The following TULP4 variants were observed in gnomAD, a reference collection of about 807,000 sequenced individuals.
TULP4 encodes tubby-related protein 4.
TULP4 carries 16 observed loss-of-function variants against 129.0 expected under a neutral mutation model. The observed-to-expected ratio is 0.12, with a 90% CI of 0.08 to 0.19. The LOEUF (loss-of-function observed/expected upper bound fraction) is 0.19. TULP4 is among the 10% of genes least tolerant of loss of function. The probability of loss-of-function intolerance (pLI) is 1.00; values close to 1 mark genes in which losing one functional copy is unlikely to be tolerated. For synonymous variants in TULP4, 998 were observed against 854.0 expected, an observed-to-expected ratio of 1.17 and a Z score of -2.94; for missense variants, 1,842 against 2,059.1, an observed-to-expected ratio of 0.89 and a Z score of 2.04.
chr6:158,284,114 A>G (rs1197680688), intron 1 of TULP4, among the ~76,000 whole-genome samples: 2 of 152,218 alleles, frequency 1.3e-5, no homozygotes, highest in Non-Finnish European at 2.9e-5. Context: ...AGGTGGGGAA[A>G]AAGAGAAAGA....
At chr6:158,426,476 A>C (rs1369093093) in intron 2 of TULP4, among the ~76,000 whole-genome samples, 1 of 133,826 alleles carries the variant, frequency 7.5e-6, no homozygotes, top group African/African-American at 3.0e-5. Context: ...TTGAATAGGG[A>C]GTCCTTTCCC....
intron 2 of TULP4, among the ~76,000 whole-genome samples, chr6:158,421,845 C>G (rs1338267568): frequency 6.6e-6 from 1 of 152,066 alleles, no homozygotes; most frequent in Non-Finnish European, 1.5e-5. Flanking sequence ...TTAAATAAAA[C>G]CCAACCTATG....
At chr6:158,282,147 T>C (rs1197882611), upstream of TULP4, 1 of 152,220 alleles carries the variant, frequency 6.6e-6, no homozygotes, top group African/African-American at 2.4e-5. Context: ...GAGTCATGTT[T>C]CTAATAGATT....
At chr6:158,253,061 A>G (rs1239668536) in intron 1 of TULP4, among the ~76,000 whole-genome samples, 1 of 152,250 alleles carries the variant, frequency 6.6e-6, no homozygotes, top group Non-Finnish European at 1.5e-5. Context: ...AAACTTGGGC[A>G]TAGAAATCCC....
intron 8 of TULP4, among the ~76,000 whole-genome samples, chr6:158,483,100 G>A (rs1779984939): frequency 1.3e-5 from 2 of 152,220 alleles, no homozygotes; most frequent in African/African-American, 2.4e-5. Context: ...CTATTATTAA[G>A]TAATACCAGG....
At chr6:158,308,427 C>T (rs530891367), upstream of TULP4, among the ~76,000 whole-genome samples, 4,783 of 151,896 alleles carry the variant, frequency 0.031, 83 homozygotes, top group Non-Finnish European at 0.04. Flanking sequence ...GGCAACCATC[C>T]GATTTCTCAA....
At chr6:158,345,440 C>G (rs1372277239) in intron 1 of TULP4, among the ~76,000 whole-genome samples, 1 of 152,220 alleles carries the variant, frequency 6.6e-6, no homozygotes, top group African/African-American at 2.4e-5. Context: ...TTTCTATTTT[C>G]CCTAAGTGTC....
chr6:158,244,018 C>T (rs1165614202), intron 1 of TULP4, among the ~76,000 whole-genome samples: 1 of 152,148 alleles, frequency 6.6e-6, no homozygotes, highest in African/African-American at 2.4e-5. Flanking sequence ...TAGCATCCTC[C>T]AGTGGTGATG....
At chr6:158,378,915 G>A (rs1232454461) in intron 1 of TULP4, among the ~76,000 whole-genome samples, 1 of 152,236 alleles carries the variant, frequency 6.6e-6, no homozygotes, top group Non-Finnish European at 1.5e-5. Context: ...CAGGGCTCAA[G>A]AGAGAGCATT....
chr6:158,430,232 T>G (rs1778597460), intron 3 of TULP4, among the ~76,000 whole-genome samples: 1 of 151,986 alleles, frequency 6.6e-6, no homozygotes, highest in Non-Finnish European at 1.5e-5. Flanking sequence ...GGATAGGAAA[T>G]GGGATGTTTG....
intron 1 of TULP4, among the ~76,000 whole-genome samples, chr6:158,385,032 G>A (rs1238525000): frequency 6.6e-6 from 1 of 152,152 alleles, no homozygotes; most frequent in African/African-American, 2.4e-5. Context: ...GTCGACTAAG[G>A]CAAATGACCT....
At chr6:158,274,447 T>C (rs553317621) in intron 1 of TULP4, among the ~76,000 whole-genome samples, 23 of 152,204 alleles carry the variant, frequency 1.5e-4, no homozygotes, top group African/African-American at 5.5e-4. Flanking sequence ...ACAACAATGT[T>C]GTTCCTGAAA....
intron 1 of TULP4, among the ~76,000 whole-genome samples, chr6:158,323,721 T>G (rs1779686749): frequency 6.6e-6 from 1 of 152,230 alleles, no homozygotes; most frequent in Non-Finnish European, 1.5e-5. Flanking sequence ...GTTGAATGTT[T>G]GTGGATTCAG....
chr6:158,426,975 T>C (rs1392455930), intron 2 of TULP4, among the ~76,000 whole-genome samples: 1 of 152,220 alleles, frequency 6.6e-6, no homozygotes, highest in Non-Finnish European at 1.5e-5. Context: ...TTATTCTTTT[T>C]GTTTCAGTTG....
At chr6:158,494,906 T>G in intron 11 of TULP4, 60 bp downstream of exon 11, 4 of 1,474,946 alleles carry the variant, frequency 2.7e-6, no homozygotes, top group Non-Finnish European at 3.8e-6. Flanking sequence ...ACGTCCAGTT[T>G]CCACCTTTAG....
At chr6:158,504,643 A>G (rs2128266391) in intron 13 of TULP4, among the ~76,000 whole-genome samples, 1 of 141,658 alleles carries the variant, frequency 7.1e-6, no homozygotes, top group Non-Finnish European at 1.5e-5. Context: ...GGCGTGAGCT[A>G]CCACGCCCAG....
At chr6:158,236,873 G>A (rs1406437270) in intron 1 of TULP4, among the ~76,000 whole-genome samples, 2 of 129,016 alleles carry the variant, frequency 1.6e-5, no homozygotes, top group African/African-American at 6.1e-5. Flanking sequence ...GAGTGCAGTG[G>A]CCCCATCTCG....
At chr6:158,282,902 G>A (rs2128467154) in intron 1 of TULP4, 1 of 152,206 alleles carries the variant, frequency 6.6e-6, no homozygotes, top group Middle Eastern at 3.4e-3. Flanking sequence ...AGTAATTTAG[G>A]AGGCCGAGGC....
intron 2 of TULP4, among the ~76,000 whole-genome samples, chr6:158,420,779 C>T (rs140774067): frequency 1.5e-3 from 219 of 150,390 alleles, no homozygotes; most frequent in African/African-American, 4.8e-3. Context: ...CCACCTCGCC[C>T]GGCCTATTTA....
Sources: gnomAD v4.1 joint callset for allele counts (sites outside exome capture counted in the v4.1 genomes callset) on GRCh38, gnomAD v4.1.1 for gene constraint, MANE v1.5 for transcripts, NCBI Gene and HGNC (gene_info 2026-07-23, HGNC 2026-07-21) for gene names.